ACOX2: variants seen among roughly 807,000 people sequenced by gnomAD.
ACOX2 encodes the protein acyl-CoA oxidase 2.
Under a neutral mutation model 77.5 loss-of-function variants are expected in ACOX2, and 59 were observed. The ratio of observed to expected loss-of-function variants is 0.76; its 90% CI spans 0.62 to 0.95. The LOEUF is 0.95. ACOX2 is among the 40% of genes least tolerant of loss of function. The pLI is 0.00. For missense variants in ACOX2, 837 were observed against 880.4 expected (o/e 0.95, Z 0.62); for synonymous variants, 317 against 340.1 (o/e 0.93, Z 0.75).
chr3:58,530,163 G>C (rs1237305620), intron 8 of ACOX2, among the ~76,000 whole-genome samples: 3 of 152,278 alleles, frequency 2.0e-5, no homozygotes, highest in Admixed American at 2.0e-4. Context: ...GACAGACACA[G>C]AGTCAGACAG....
At position 58,505,979 on chromosome 3, in the gene ACOX2, C is replaced by T. The variant is rs1163546290; in HGVS notation, c.1984-693G>A. ...CTAATTTTTGTATTTTTAATAGAGA[C>T]GGAGTTTTGCCATGTTGGCCAGGTT... On this transcript the variant is annotated intron_variant, in intron 14 of 14. Coordinates refer to ENST00000302819, the MANE Select transcript of ACOX2 (RefSeq NM_003500.4). The surrounding 1 kb of genome is among the most constrained non-coding windows in gnomAD (Gnocchi z 4.4). Among the ~76,000 whole-genome samples the T allele has an allele frequency of 1.3e-5, 2 of 152,066 alleles. No homozygotes were observed. Among genetic ancestry groups the T allele is most frequent in the Non-Finnish European group, 2.9e-5 (2 of 68,016 alleles).
In ACOX2 at chr3:58,535,300, C is replaced by A; in HGVS notation, c.-91-103G>T. 1 of 634,790 alleles carries A rather than the reference C, an allele frequency of 1.6e-6. No individual in the cohort carries two copies. The highest frequency in any genetic ancestry group is 2.7e-5 in the East Asian group (1 of 36,770). The allele number at this position is 634,790 out of a possible 1,614,324, so 39.3% of individuals were successfully genotyped here. A position where few individuals can be genotyped will look rare whatever the true frequency, so the allele number is the denominator to read the frequency against. ...GAATGCCACTCCACCTCCCCACTCC[C>A]CCTGTGGACACTGGCTGTGGACCAG... is the stretch of plus-strand genomic sequence containing the variant. On this transcript the variant is annotated intron_variant, in intron 1 of 14. Coordinates refer to ENST00000302819, the MANE Select transcript of ACOX2 (RefSeq NM_003500.4). This position sits in a 1 kb window ranked among gnomAD's most constrained non-coding sequence, Gnocchi z 4.8.
chr3:58,523,462 T>A lies in ACOX2; in HGVS notation c.1527-861A>T, dbSNP rs1560215800. Among the ~76,000 whole-genome samples the A allele has an allele frequency of 6.6e-6, 1 of 152,268 alleles. No individual in the cohort carries two copies. The highest frequency in any genetic ancestry group is 1.5e-5 in the Non-Finnish European group (1 of 68,048). ...AGGCAGTTAATAAATATTTTTGGAATAAATAAATGAATGTTCCAAGTTGCT... is the reference window on the plus strand; with the variant it reads ...AGGCAGTTAATAAATATTTTTGGAAAAAATAAATGAATGTTCCAAGTTGCT... On this transcript the variant is annotated intron_variant, in intron 11 of 14. Coordinates refer to ENST00000302819, the MANE Select transcript of ACOX2 (RefSeq NM_003500.4). This position sits in a 1 kb window ranked among gnomAD's most constrained non-coding sequence, Gnocchi z 5.3.
rs765191217 is a variant in ACOX2 at position 58,528,856 on chromosome 3, A to G, written c.1093T>C (p.Leu365=). 13 of 1,613,854 alleles carry G rather than the reference A, an allele frequency of 8.1e-6. No individual in the cohort carries two copies. In the Admixed American group the frequency reaches 1.0e-4, roughly 12 times the overall value. Residue 365 remains leucine, a synonymous_variant, in exon 9 of 15, where the codon TTG becomes CTG. Transcript: ENST00000302819. The surrounding 1 kb of genome is among the most constrained non-coding windows in gnomAD (Gnocchi z 5.6). ...GTGTAGGAGTGCTGGAAGAACTCCA[A>G]GAGGCTGACTGCCAGGAAATGGAAG... The part of the protein sequence containing the change: ...YAFHFLAVSL[L]EFFQHSYTAI...
chr3:58,506,322 A>G (rs567805313), intron 14 of ACOX2, among the ~76,000 whole-genome samples: 1 of 152,364 alleles, frequency 6.6e-6, no homozygotes, highest in South Asian at 2.1e-4. Context: ...AAGAAAGCAC[A>G]TCATCCTGTC....
In ACOX2 at chr3:58,519,900, C is replaced by T. The variant is rs1035555811; in HGVS notation, c.1633-2477G>A. Among the ~76,000 whole-genome samples the T allele has an allele frequency of 6.6e-6, 1 of 152,268 alleles. No individual in the cohort carries two copies. The highest frequency in any genetic ancestry group is 1.5e-5 in the Non-Finnish European group (1 of 68,056). On this transcript the variant is annotated intron_variant, in intron 12 of 14. Coordinates refer to ENST00000302819, the MANE Select transcript of ACOX2 (RefSeq NM_003500.4). This position sits in a 1 kb window ranked among gnomAD's most constrained non-coding sequence, Gnocchi z 5.0. Reference sequence around the variant, plus strand: ...GAACTGCGGACCCGCACTCCTTTTCCTGTCCTAATCTGAGAGCCACATCCT... The same window carrying T: ...GAACTGCGGACCCGCACTCCTTTTCTTGTCCTAATCTGAGAGCCACATCCT...
Position 58,522,560 on chromosome 3 carries a change from T to G in ACOX2, c.1568A>C (p.Gln523Pro), listed in dbSNP as rs775960635. The G allele has an allele frequency of 1.2e-6, 2 of 1,614,074 alleles. No individual in the cohort carries two copies. ...AGCCTCGTGCTGGTCAGCTCCGGAT[T>G]GCGTCAGGGTCTGTAAATGCTGCAC... is the stretch of plus-strand genomic sequence containing the variant. Reference protein sequence around the residue: ...DSVQHLQTLTQSGADQHEAWN... With the variant: ...DSVQHLQTLTPSGADQHEAWN... Residue 523 changes from glutamine (Q) to proline (P), a missense_variant, in exon 12 of 15, where the codon CAA becomes CCA. Gln to Pro is a moderately conservative substitution (Grantham distance 76). Transcript: ENST00000302819. This position sits in a 1 kb window ranked among gnomAD's most constrained non-coding sequence, Gnocchi z 4.3.
chr3:58,529,086 G>T, intron 8 of ACOX2, 130 bp from the exon 9 acceptor site: 1 of 891,352 alleles, frequency 1.1e-6, no homozygotes, highest in Non-Finnish European at 1.6e-6. Flanking sequence ...ACTGACATGA[G>T]GCCATTGATA....
At chr3:58,509,335 G>C (rs1446004524) in intron 13 of ACOX2, among the ~76,000 whole-genome samples, 1 of 151,898 alleles carries the variant, frequency 6.6e-6, no homozygotes, top group Non-Finnish European at 1.5e-5. Flanking sequence ...AGACCATCCT[G>C]GGTAACATGG....
chr3:58,535,290 T>A lies in ACOX2; in HGVS notation c.-91-93A>T. 2 of 657,294 alleles carry A rather than the reference T, an allele frequency of 3.0e-6. No homozygotes were observed. The highest frequency in any genetic ancestry group is 3.7e-5 in the South Asian group (2 of 53,506). The allele number at this position is 657,294 out of a possible 1,614,324, so 40.7% of individuals were successfully genotyped here. On this transcript the variant is annotated intron_variant, in intron 1 of 14. Coordinates refer to ENST00000302819, the MANE Select transcript of ACOX2 (RefSeq NM_003500.4). The surrounding 1 kb of genome is among the most constrained non-coding windows in gnomAD (Gnocchi z 4.8). ...CTAAGTACCTGAATGCCACTCCACC[T>A]CCCCACTCCCCCTGTGGACACTGGC...
In ACOX2 at chr3:58,511,122, T is replaced by G. The variant is rs115535322; in HGVS notation, c.1851-2097A>C. The G allele has an allele frequency of 6.0e-4, 274 of 453,532 alleles. 3 individuals are homozygous for G. Among genetic ancestry groups the G allele is most frequent in the African/African-American group, 4.6e-3 (229 of 50,082 alleles). The allele number at this position is 453,532 out of a possible 1,614,324, so 28.1% of individuals were successfully genotyped here. Reference sequence around the variant, plus strand: ...CCCTTGCATTTATACATACAATGCTTTCTCTCTTCAGGCTCTCAGCTCAGG... The same window carrying G: ...CCCTTGCATTTATACATACAATGCTGTCTCTCTTCAGGCTCTCAGCTCAGG... On this transcript the variant is annotated intron_variant, in intron 13 of 14. Transcript: ENST00000302819.
In ACOX2 at chr3:58,534,560, G is replaced by A; in HGVS notation, c.161-38C>T. ...GAGAACAGAGGGCTTAGGGACCTGG[G>A]TGAGGTTTCTGGCACCTTGAAATCT... On this transcript the variant is annotated intron_variant, in intron 2 of 14. Transcript: ENST00000302819. The surrounding 1 kb of genome is among the most constrained non-coding windows in gnomAD (Gnocchi z 4.8). 14 of 1,614,088 alleles carry A rather than the reference G, an allele frequency of 8.7e-6. No individual in the cohort carries two copies. The highest frequency in any genetic ancestry group is 1.2e-5 in the Non-Finnish European group (14 of 1,180,020).
rs571590813 is a variant in ACOX2, at chr3:58,517,802, C to T, written c.1633-379G>A. The stretch of plus-strand genomic sequence containing the variant: ...AAATTAGCTATTTTAAGGCTGGGCG[C>T]GGTGGCTCACGCCTGTAATCCCAGC... On this transcript the variant is annotated intron_variant, in intron 12 of 14. Coordinates refer to ENST00000302819, the MANE Select transcript of ACOX2 (RefSeq NM_003500.4). Among the ~76,000 whole-genome samples, 8 of 152,104 alleles carry T rather than the reference C, an allele frequency of 5.3e-5. No homozygotes were observed. In the South Asian group the frequency reaches 1.7e-3, roughly 32 times the overall value.
chr3:58,512,161 C>T lies in ACOX2; in HGVS notation c.1851-3136G>A, dbSNP rs574678106. Among the ~76,000 whole-genome samples, 21 of 152,336 alleles carry T rather than the reference C, an allele frequency of 1.4e-4. No individual in the cohort carries two copies. The highest frequency in any genetic ancestry group is 2.1e-4 in the Non-Finnish European group (14 of 68,032). Reference sequence around the variant, plus strand: ...CCCGTCCACCCTGCCCAAACCTGGGCCTCCTGTAGTCTTCCGCATTTATAG... The same window carrying T: ...CCCGTCCACCCTGCCCAAACCTGGGTCTCCTGTAGTCTTCCGCATTTATAG... On this transcript the variant is annotated intron_variant, in intron 13 of 14. Transcript: ENST00000302819. This position sits in a 1 kb window ranked among gnomAD's most constrained non-coding sequence, Gnocchi z 4.8.
chr3:58,531,770 A>T lies in ACOX2; in HGVS notation c.626T>A (p.Ile209Asn), dbSNP rs764322432. ...ATHALVQAQL[I>N]CSGARRGMHA... Reference sequence around the variant, plus strand: ...CATGCCCCGCCTGGCTCCTGAGCAGATCAGCTGGGCCTGGACCAGGGCATG... The same window carrying T: ...CATGCCCCGCCTGGCTCCTGAGCAGTTCAGCTGGGCCTGGACCAGGGCATG... Residue 209 changes from isoleucine to asparagine, a missense_variant, in exon 6 of 15, where the codon ATC becomes AAC. Transcript: ENST00000302819. This position sits in a 1 kb window ranked among gnomAD's most constrained non-coding sequence, Gnocchi z 5.8. 1.1e-5 allele frequency: 18 copies of T among 1,614,166 alleles called. No individual in the cohort carries two copies. The highest frequency in any genetic ancestry group is 1.1e-5 in the Non-Finnish European group (13 of 1,180,020).
In ACOX2 at chr3:58,515,489, G is replaced by A. The variant is rs1483701684; in HGVS notation, c.1850+1717C>T. ...AAATTACAAATCTTTTAGAGACAGG[G>A]TCTCACTATGTTGCCCAAGCTAGTC... On this transcript the variant is annotated intron_variant, in intron 13 of 14. Coordinates refer to ENST00000302819, the MANE Select transcript of ACOX2 (RefSeq NM_003500.4). The surrounding 1 kb of genome is among the most constrained non-coding windows in gnomAD (Gnocchi z 4.0). 6.6e-6 allele frequency among the ~76,000 whole-genome samples: 1 copy of A among 151,848 alleles called. No individual in the cohort carries two copies. Among genetic ancestry groups the A allele is most frequent in the African/African-American group, 2.4e-5 (1 of 41,286 alleles).
Position 58,528,591 on chromosome 3 carries a change from T to C in ACOX2, c.1155+203A>G, listed in dbSNP as rs888257733. Among the ~76,000 whole-genome samples the C allele has an allele frequency of 7.9e-5, 12 of 151,932 alleles. No individual in the cohort carries two copies. Among genetic ancestry groups the C allele is most frequent in the African/African-American group, 2.9e-4 (12 of 41,324 alleles). On this transcript the variant is annotated intron_variant, in intron 9 of 14. Coordinates refer to ENST00000302819, the MANE Select transcript of ACOX2 (RefSeq NM_003500.4). The surrounding 1 kb of genome is among the most constrained non-coding windows in gnomAD (Gnocchi z 5.6). The stretch of plus-strand genomic sequence containing the variant: ...TAGGTGTGATTGTTTTCTCTTAGTA[T>C]GTTTGTAGCTCTCTGGGGGCTGGTT...
In ACOX2 at chr3:58,509,312, G is replaced by A. The variant is rs557674242; in HGVS notation, c.1851-287C>T. ...GGAGGCCGAAGTAGGTGGATCATGA[G>A]GTCAGGAGATCAAGACCATCCTGGG... On this transcript the variant is annotated intron_variant, in intron 13 of 14. Transcript: ENST00000302819. Among the ~76,000 whole-genome samples the A allele has an allele frequency of 7.9e-5, 12 of 152,180 alleles. No homozygotes were observed. The South Asian group carries it at 2.5e-3, about 32-fold the overall frequency.
chr3:58,507,244 GTCTAC>G (rs2063241381), intron 14 of ACOX2, among the ~76,000 whole-genome samples: 1 of 152,206 alleles, frequency 6.6e-6, no homozygotes, highest in South Asian at 2.1e-4. Context: ...GACGTGGAGT[GTCTAC>G]TCTGTGATAG....
Sources: gnomAD v4.1 joint callset for allele counts (sites outside exome capture counted in the v4.1 genomes callset) on GRCh38, gnomAD v4.1.1 for gene constraint, Gnocchi (gnomAD v3.1) non-coding constraint, MANE v1.5 for transcripts, NCBI Gene and HGNC (gene_info 2026-07-23, HGNC 2026-07-21) for gene names.